Variants in PCDHGA1 observed in about 807,000 individuals in gnomAD.
PCDHGA1 encodes protocadherin gamma-A1.
PCDHGA1 carries 32 observed loss-of-function variants against 58.0 expected under a neutral mutation model. The ratio of observed to expected loss-of-function variants is 0.55; its 90% CI spans 0.42 to 0.74. The LOEUF (loss-of-function observed/expected upper bound fraction) is 0.74. PCDHGA1 is among the 30% of genes least tolerant of loss of function. PCDHGA1 has a pLI of 0.00. For missense variants in PCDHGA1, 1,205 were observed against 1,182.3 expected, an observed-to-expected ratio of 1.02 and a Z score of -0.28; for synonymous variants, 498 against 501.1, an observed-to-expected ratio of 0.99 and a Z score of 0.08.
chr5:141,476,357 C>T lies in PCDHGA1; in HGVS notation c.2422-18450C>T. On this transcript the variant is annotated intron_variant, in intron 1 of 3. Transcript: ENST00000517417. The surrounding 1 kb of genome is among the most constrained non-coding windows in gnomAD (Gnocchi z 7.6). ...TAGCCGAAGATTCTTTGAGGTGAAC[C>T]GGGAGACCGGAGAGATGTTTGTGAA... The T allele has an allele frequency of 6.2e-7, 1 of 1,614,052 alleles. No individual in the cohort carries two copies. The highest frequency in any genetic ancestry group is 2.2e-5 in the East Asian group (1 of 44,854).
At chr5:141,365,053 G>C (rs1588608159) in intron 1 of PCDHGA1, 10 of 1,613,802 alleles carry the variant, frequency 6.2e-6, no homozygotes, top group Non-Finnish European at 8.5e-6. Context: ...ATGCGCCCCT[G>C]TTCACCCCAT....
chr5:141,345,367 T>A (rs764114468), intron 1 of PCDHGA1: 43 of 1,613,956 alleles, frequency 2.7e-5, no homozygotes, highest in Non-Finnish European at 3.2e-5. Flanking sequence ...GTGATTGACA[T>A]CAATGACAAC....
chr5:141,370,960 G>A, intron 1 of PCDHGA1: 2 of 1,614,014 alleles, frequency 1.2e-6, no homozygotes, highest in Non-Finnish European at 1.7e-6. Context: ...CTGGATGGCA[G>A]TAGGTACCCA....
intron 1 of PCDHGA1, chr5:141,415,752 T>TG: frequency 1.6e-5 from 22 of 1,372,540 alleles, no homozygotes; most frequent in Middle Eastern, 2.6e-4. Flanking sequence ...TTTTTTTTTT[T>TG]TTTTTTTTTT....
At chr5:141,333,684 T>G (rs1198574445) in intron 1 of PCDHGA1, 3 of 154,440 alleles carry the variant, frequency 1.9e-5, no homozygotes, top group Admixed American at 1.3e-4. Flanking sequence ...TTTTAGCCTT[T>G]TATTCTATCT....
intron 1 of PCDHGA1, among the ~76,000 whole-genome samples, chr5:141,456,907 G>A (rs1430292511): frequency 6.6e-6 from 1 of 152,108 alleles, no homozygotes; most frequent in Non-Finnish European, 1.5e-5. Flanking sequence ...AGGTTGCAGT[G>A]AGCCGAGATC....
At chr5:141,384,522 T>G (rs1251146864) in intron 1 of PCDHGA1, 2 of 1,614,074 alleles carry the variant, frequency 1.2e-6, no homozygotes, top group East Asian at 2.2e-5. Context: ...GGGACCCGCC[T>G]CTCAGCAGCA....
chr5:141,361,428 C>T lies in PCDHGA1; in HGVS notation c.2421+28323C>T, dbSNP rs753837772. 5.0e-6 allele frequency: 8 copies of T among 1,614,050 alleles called. No individual in the cohort carries two copies. The African/African-American group carries it at 9.3e-5, about 19-fold the overall frequency. ...CAGCCACCGACGGGGGCAAGCCGCCCCTCTCCTCCAGCATAATTGTCACCC... is the reference window on the plus strand; with the variant it reads ...CAGCCACCGACGGGGGCAAGCCGCCTCTCTCCTCCAGCATAATTGTCACCC... On this transcript the variant is annotated intron_variant, in intron 1 of 3. Transcript: ENST00000517417.
intron 1 of PCDHGA1, chr5:141,419,373 TGTCC>T (rs761256298): frequency 6.2e-7 from 1 of 1,613,754 alleles, no homozygotes; most frequent in South Asian, 1.1e-5. Context: ...TCGTCCTACG[TGTCC>T]GTGAGCGCGC....
chr5:141,383,832 A>G, intron 1 of PCDHGA1: 1 of 1,613,926 alleles, frequency 6.2e-7, no homozygotes, highest in Non-Finnish European at 8.5e-7. Flanking sequence ...ATTATGAAGA[A>G]ACTGCCTTCT....
At chr5:141,366,743 C>T (rs561614642) in intron 1 of PCDHGA1, 3 of 1,611,598 alleles carry the variant, frequency 1.9e-6, no homozygotes, top group East Asian at 2.2e-5. Context: ...AGAAGAACGG[C>T]GAGTTCAGGT....
At chr5:141,414,677 AG>A in intron 1 of PCDHGA1, 1 of 1,613,794 alleles carries the variant, frequency 6.2e-7, no homozygotes, top group Non-Finnish European at 8.5e-7. Context: ...GACACCATCC[AG>A]GGGGTACCTC....
intron 1 of PCDHGA1, among the ~76,000 whole-genome samples, chr5:141,480,704 G>A (rs545986902): frequency 8.5e-5 from 13 of 152,206 alleles, no homozygotes; most frequent in East Asian, 5.8e-4. Flanking sequence ...GCCACACCCC[G>A]ACAAATGAAA....
rs964544667 is a variant in PCDHGA1 at position 141,338,790 on chromosome 5, G to C, written c.2421+5685G>C. ...AGCAATACGGCTCCCACAGCACAAG[G>C]GGGTGGAGGTTTGGCCCTAAAGCTT... is the stretch of plus-strand genomic sequence containing the variant. On this transcript the variant is annotated intron_variant, in intron 1 of 3. Transcript: ENST00000517417. 8.1e-6 allele frequency: 11 copies of C among 1,350,074 alleles called. No individual in the cohort carries two copies. The South Asian group carries it at 8.6e-5, about 11-fold the overall frequency. 83.6% of individuals were successfully genotyped at this position (1,350,074 alleles called of 1,614,324 possible).
At position 141,431,998 on chromosome 5, in the gene PCDHGA1, A is replaced by G. The variant is rs201105272; in HGVS notation, c.2422-62809A>G. The G allele has an allele frequency of 1.2e-6, 2 of 1,614,176 alleles. No homozygotes were observed. Among genetic ancestry groups the G allele is most frequent in the Admixed American group, 1.7e-5 (1 of 60,030 alleles). On this transcript the variant is annotated intron_variant, in intron 1 of 3. Coordinates refer to ENST00000517417, the MANE Select transcript of PCDHGA1 (RefSeq NM_018912.3). This position sits in a 1 kb window ranked among gnomAD's most constrained non-coding sequence, Gnocchi z 4.8. The stretch of plus-strand genomic sequence containing the variant: ...TCACAGACATAGTCTTGGATAGGGA[A>G]CAGGTTCCTAGCTACAACATCACAG...
At position 141,490,521 on chromosome 5, in the gene PCDHGA1, C is replaced by T. The variant is rs146064810; in HGVS notation, c.2422-4286C>T. The stretch of plus-strand genomic sequence containing the variant: ...ACTATATCATCGAGCTGCTGGCCAG[C>T]GATGCTGGTTCACCTTCCCTACACA... On this transcript the variant is annotated intron_variant, in intron 1 of 3. Coordinates refer to ENST00000517417, the MANE Select transcript of PCDHGA1 (RefSeq NM_018912.3). This position sits in a 1 kb window ranked among gnomAD's most constrained non-coding sequence, Gnocchi z 5.4. The T allele has an allele frequency of 1.0e-4, 166 of 1,614,058 alleles. No individual in the cohort carries two copies. In the African/African-American group the frequency reaches 1.7e-3, roughly 16 times the overall value.
chr5:141,466,121 C>CA (rs908379481), intron 1 of PCDHGA1, among the ~76,000 whole-genome samples: 24 of 146,876 alleles, frequency 1.6e-4, no homozygotes, highest in East Asian at 8.0e-4. Context: ...GACTCCAGCT[C>CA]AAAAAAAAAA....
At chr5:141,437,659 C>T (rs1006268414) in intron 1 of PCDHGA1, among the ~76,000 whole-genome samples, 10 of 151,870 alleles carry the variant, frequency 6.6e-5, no homozygotes, top group East Asian at 3.9e-4. Context: ...CACATAGTTT[C>T]GAAGAGATGT....
In PCDHGA1 at chr5:141,432,847, G is replaced by A. The variant is rs768265171; in HGVS notation, c.2422-61960G>A. On this transcript the variant is annotated intron_variant, in intron 1 of 3. Transcript: ENST00000517417. The surrounding 1 kb of genome is among the most constrained non-coding windows in gnomAD (Gnocchi z 6.0). Reference sequence around the variant, plus strand: ...ACCTCACTCTGTACCTGGTGGTAGCGGTGGCCGCGGTCTCCTGCGTCTTCC... The same window carrying A: ...ACCTCACTCTGTACCTGGTGGTAGCAGTGGCCGCGGTCTCCTGCGTCTTCC... 5.0e-6 allele frequency: 8 copies of A among 1,614,180 alleles called. No homozygotes were observed. The highest frequency in any genetic ancestry group is 6.8e-6 in the Non-Finnish European group (8 of 1,179,994).
Sources: allele counts gnomAD v4.1 joint callset (sites outside exome capture counted in the v4.1 genomes callset), GRCh38; gene constraint gnomAD v4.1.1; non-coding constraint Gnocchi (gnomAD v3.1); transcripts MANE v1.5; gene names NCBI Gene and HGNC (gene_info 2026-07-23, HGNC 2026-07-21).